DNAAF11: variants seen among roughly 807,000 people sequenced by gnomAD.
The protein encoded by DNAAF11 is dynein axonemal assembly factor 11, also known as leucine rich repeat containing 6.
In DNAAF11, 45 loss-of-function variants were observed where a neutral mutation model predicts 60.8. The observed-to-expected ratio is 0.74, with a 90% confidence interval of 0.58 to 0.95. DNAAF11 has a LOEUF of 0.95. DNAAF11 is among the 40% of genes least tolerant of loss of function. DNAAF11 has a pLI of 0.00. For synonymous variants in DNAAF11, 191 were observed against 183.5 expected (o/e 1.04, Z -0.33); for missense variants, 546 against 546.2 (o/e 1.00, Z 0.00).
At chr8:132,609,599 G>C (rs1447498930) in intron 10 of DNAAF11, among the ~76,000 whole-genome samples, 2 of 152,122 alleles carry the variant, frequency 1.3e-5, no homozygotes, top group Non-Finnish European at 2.9e-5. Flanking sequence ...GAGATTCTCT[G>C]TGTTTCTTTC....
chr8:132,596,093 A>G (rs114098029), intron 10 of DNAAF11, among the ~76,000 whole-genome samples: 76 of 152,318 alleles, frequency 5.0e-4, no homozygotes, highest in African/African-American at 1.8e-3. Context: ...TCATGGGTTC[A>G]TTTGGCTATT....
At chr8:132,657,618 TA>T (rs1823711840) in intron 2 of DNAAF11, among the ~76,000 whole-genome samples, 1 of 152,150 alleles carries the variant, frequency 6.6e-6, no homozygotes, top group Admixed American at 6.5e-5. Flanking sequence ...TCTTATTTAA[TA>T]AACATGAAAG....
intron 7 of DNAAF11, among the ~76,000 whole-genome samples, chr8:132,621,663 T>C (rs1819777638): frequency 6.6e-6 from 1 of 152,120 alleles, no homozygotes; most frequent in Admixed American, 6.5e-5. Flanking sequence ...CATTGCTCTA[T>C]CCCCAGGGCC....
Position 132,661,530 on chromosome 8 carries a change from T to C in DNAAF11, c.108A>G (p.Leu36=), listed in dbSNP as rs753644261. The change falls in exon 2 of 12, where the codon CTA becomes CTG. Residue 36 remains leucine (L), a synonymous_variant. Transcript: ENST00000620350. ...LSLHQQEIER[L]EHIDKWCRDL... is the part of the protein sequence containing the mutation. ...CCCGGCACCATTTATCAATGTGTTC[T>C]AGTCTTTCTATTTCTTGCTGATGCA... 7 of 1,613,760 alleles carry C rather than the reference T, an allele frequency of 4.3e-6. No individual in the cohort carries two copies. The Admixed American group carries it at 1.0e-4, about 23-fold the overall frequency.
intron 3 of DNAAF11, among the ~76,000 whole-genome samples, chr8:132,651,584 G>A (rs1341192045): frequency 6.6e-6 from 1 of 152,122 alleles, no homozygotes; most frequent in East Asian, 1.9e-4. Flanking sequence ...GGCAGGAGGG[G>A]GGTTGGCCTG....
At chr8:132,662,473 A>G (rs185488339) in intron 1 of DNAAF11, among the ~76,000 whole-genome samples, 118 of 152,300 alleles carry the variant, frequency 7.7e-4, no homozygotes, top group Non-Finnish European at 4.6e-4. Flanking sequence ...TAAAACTGGT[A>G]TTTGTTGAAC....
intron 5 of DNAAF11, among the ~76,000 whole-genome samples, chr8:132,625,910 A>C (rs1438015591): frequency 6.6e-6 from 1 of 152,088 alleles, no homozygotes; most frequent in Non-Finnish European, 1.5e-5. Flanking sequence ...CCCCACTTCT[A>C]ATCTTGTACC....
intron 7 of DNAAF11, among the ~76,000 whole-genome samples, chr8:132,616,304 G>C (rs915039541): frequency 6.6e-6 from 1 of 152,112 alleles, no homozygotes; most frequent in East Asian, 1.9e-4. Flanking sequence ...AAAGGAGCGT[G>C]TATCCTTTCT....
chr8:132,668,739 G>A (rs1260467371), intron 1 of DNAAF11, among the ~76,000 whole-genome samples: 29 of 152,130 alleles, frequency 1.9e-4, no homozygotes, highest in Admixed American at 1.9e-3. Flanking sequence ...ACCGCGCCCG[G>A]CCCTGAGCTG....
At chr8:132,579,893 G>A (rs1480526025) in intron 11 of DNAAF11, among the ~76,000 whole-genome samples, 3 of 151,990 alleles carry the variant, frequency 2.0e-5, no homozygotes, top group Admixed American at 2.0e-4. Flanking sequence ...GCTACTCAGG[G>A]GGCTGAGGCA....
rs1367944674 is a variant in DNAAF11, at chr8:132,622,592, T to A, written c.914+19A>T. On this transcript the variant is annotated intron_variant, in intron 7 of 11. Coordinates refer to ENST00000620350, the MANE Select transcript of DNAAF11 (RefSeq NM_012472.6). ...ACTGACACTTTTGGGTCTTTAACGC[T>A]CTATTTGGCCTCACATACTTGGGCT... is the stretch of plus-strand genomic sequence containing the variant. 6.2e-7 allele frequency: 1 copy of A among 1,600,632 alleles called. No individual in the cohort carries two copies. The highest frequency in any genetic ancestry group is 1.7e-5 in the Admixed American group (1 of 59,476).
intron 1 of DNAAF11, among the ~76,000 whole-genome samples, chr8:132,672,135 A>C (rs1363473324): frequency 6.6e-6 from 1 of 152,240 alleles, no homozygotes; most frequent in East Asian, 1.9e-4. Context: ...AAGACTCTTA[A>C]AACTCAAGGA....
chr8:132,576,843 G>A (rs373271052), intron 11 of DNAAF11, among the ~76,000 whole-genome samples: 29 of 152,270 alleles, frequency 1.9e-4, no homozygotes, highest in African/African-American at 6.3e-4. Context: ...CTGAGCCCCC[G>A]CATCCCTTCC....
At chr8:132,672,579 G>A (rs1825289183) in intron 1 of DNAAF11, among the ~76,000 whole-genome samples, 1 of 152,120 alleles carries the variant, frequency 6.6e-6, no homozygotes, top group Admixed American at 6.5e-5. Flanking sequence ...ACCTCTTTGT[G>A]CTCCAGATTC....
intron 10 of DNAAF11, among the ~76,000 whole-genome samples, chr8:132,604,471 G>A (rs1817943832): frequency 6.6e-6 from 1 of 152,126 alleles, no homozygotes; most frequent in African/African-American, 2.4e-5. Flanking sequence ...TTATTCTGAA[G>A]AAACACCCAA....
At chr8:132,578,240 T>C (rs1013401832) in intron 11 of DNAAF11, among the ~76,000 whole-genome samples, 2 of 152,162 alleles carry the variant, frequency 1.3e-5, no homozygotes, top group African/African-American at 4.8e-5. Flanking sequence ...GCTAGTACAT[T>C]GTTATCTGTG....
the DNAAF11 span, among the ~76,000 whole-genome samples, chr8:132,693,510 T>C: frequency 6.6e-6 from 1 of 151,968 alleles, no homozygotes; most frequent in Non-Finnish European, 1.5e-5. Context: ...TACTGGGCAC[T>C]GTTCTTGGTG....
At chr8:132,597,276 C>T (rs778551030) in intron 10 of DNAAF11, among the ~76,000 whole-genome samples, 6 of 152,242 alleles carry the variant, frequency 3.9e-5, no homozygotes, top group Middle Eastern at 3.4e-3. Context: ...CAGAGCCCAC[C>T]GAGCACTGCC....
the DNAAF11 span, among the ~76,000 whole-genome samples, chr8:132,689,868 G>T: frequency 6.6e-6 from 1 of 151,850 alleles, no homozygotes; most frequent in African/African-American, 2.4e-5. Context: ...TCGCACCATT[G>T]CATCCTGTGA....
Sources: allele counts gnomAD v4.1 joint callset (sites outside exome capture counted in the v4.1 genomes callset), GRCh38; gene constraint gnomAD v4.1.1; transcripts MANE v1.5; gene names NCBI Gene and HGNC (gene_info 2026-07-23, HGNC 2026-07-21).